STAG1: variants seen among roughly 807,000 people sequenced by gnomAD.
The protein encoded by STAG1 is STAG1 cohesin complex component, also known as cohesin subunit SA-1.
STAG1 carries 26 observed loss-of-function variants against 170.9 expected under a neutral mutation model. The observed-to-expected ratio is 0.15, with a 90% CI of 0.11 to 0.21. The LOEUF (loss-of-function observed/expected upper bound fraction) is 0.21. Among genes scored for constraint, STAG1 ranks in the 10% least tolerant of loss-of-function variants. STAG1 has a pLI of 1.00. For missense variants in STAG1, 964 were observed against 1,509.5 expected, an observed-to-expected ratio of 0.64 and a Z score of 5.99; for synonymous variants, 514 against 497.7, an observed-to-expected ratio of 1.03 and a Z score of -0.44.
intron 1 of STAG1, among the ~76,000 whole-genome samples, chr3:136,714,980 TTA>T (rs1491252736): frequency 1.5e-4 from 17 of 109,744 alleles, no homozygotes; most frequent in Non-Finnish European, 2.3e-4. Context: ...ATATATATTT[TTA>T]TATATATATT....
intron 1 of STAG1, among the ~76,000 whole-genome samples, chr3:136,661,456 A>G (rs1334818133): frequency 6.6e-6 from 1 of 152,206 alleles, no homozygotes; most frequent in Non-Finnish European, 1.5e-5. Context: ...ACAAAGGTGC[A>G]CAACAGTTTA....
At chr3:136,455,694 C>A (rs888300086) in intron 13 of STAG1, among the ~76,000 whole-genome samples, 1 of 152,206 alleles carries the variant, frequency 6.6e-6, no homozygotes, top group African/African-American at 2.4e-5. Flanking sequence ...AAAAGCACTG[C>A]AAGGGGCACA....
chr3:136,376,799 T>TA (rs1341159761), intron 23 of STAG1, among the ~76,000 whole-genome samples: 15 of 151,924 alleles, frequency 9.9e-5, no homozygotes, highest in Non-Finnish European at 1.3e-4. Context: ...TTCTTTTTTT[T>TA]AATCTTTTTT....
At chr3:136,381,242 G>A (rs1301646619) in intron 22 of STAG1, among the ~76,000 whole-genome samples, 2 of 152,108 alleles carry the variant, frequency 1.3e-5, no homozygotes, top group Non-Finnish European at 2.9e-5. Flanking sequence ...AGAAGTGGAT[G>A]AGACTGCTCA....
At chr3:136,535,876 A>G (rs1297065355) in intron 6 of STAG1, among the ~76,000 whole-genome samples, 1 of 152,210 alleles carries the variant, frequency 6.6e-6, no homozygotes, top group South Asian at 2.1e-4. Flanking sequence ...TACCTCTAAT[A>G]AATAAAAAAC....
At chr3:136,737,435 G>A (rs938787697) in intron 1 of STAG1, among the ~76,000 whole-genome samples, 6 of 151,500 alleles carry the variant, frequency 4.0e-5, no homozygotes, top group East Asian at 2.0e-4. Flanking sequence ...CAGGGGTTTC[G>A]CCATGTTAGC....
rs901078898 is a variant in STAG1 at position 136,622,152 on chromosome 3, A to G, written c.132+994T>C. Among the ~76,000 whole-genome samples the G allele has an allele frequency of 7.3e-5, 11 of 150,532 alleles. No individual in the cohort carries two copies. In the East Asian group the frequency reaches 7.8e-4, roughly 11 times the overall value. ...ATCTCTACTAAAAAAAAAAAAAAAA[A>G]AAAAAAGAAAAGAAAAAATTAGCTG... On this transcript the variant is annotated intron_variant, in intron 3 of 33. Transcript: ENST00000383202.
chr3:136,696,671 T>C (rs909182327), intron 1 of STAG1, among the ~76,000 whole-genome samples: 1 of 151,972 alleles, frequency 6.6e-6, no homozygotes, highest in Admixed American at 6.6e-5. Context: ...TCAATTTTGC[T>C]GTAAATCTTA....
intron 5 of STAG1, among the ~76,000 whole-genome samples, chr3:136,565,044 G>GGCA (rs1937012382): frequency 1.4e-4 from 1 of 6,954 alleles, no homozygotes; most frequent in Non-Finnish European, 2.6e-4. Context: ...GCAGGCAGAA[G>GGCA]GGAGGGAGGG....
At chr3:136,707,725 G>A (rs1943266805) in intron 1 of STAG1, among the ~76,000 whole-genome samples, 2 of 152,110 alleles carry the variant, frequency 1.3e-5, no homozygotes, top group South Asian at 2.1e-4. Context: ...GAGGGATGTC[G>A]CGGCTTTACA....
At chr3:136,468,061 T>C (rs2089518891) in intron 12 of STAG1, among the ~76,000 whole-genome samples, 1 of 152,062 alleles carries the variant, frequency 6.6e-6, no homozygotes. Flanking sequence ...GCAGGAAAGA[T>C]CTAAAATTGA....
chr3:136,439,389 G>GACACGCACACAC (rs2088563296), intron 15 of STAG1, among the ~76,000 whole-genome samples: 1 of 95,834 alleles, frequency 1.0e-5, no homozygotes, highest in Admixed American at 1.1e-4. Context: ...AACACCCCCC[G>GACACGCACACAC]ACACACACAC....
intron 12 of STAG1, among the ~76,000 whole-genome samples, chr3:136,468,861 T>C (rs555122656): frequency 3.9e-4 from 59 of 152,250 alleles, no homozygotes; most frequent in Non-Finnish European, 7.5e-4. Flanking sequence ...TAATCCAGCA[T>C]ATGAACAGAA....
chr3:136,344,406 C>T (rs1423067493), intron 29 of STAG1, among the ~76,000 whole-genome samples: 1 of 152,042 alleles, frequency 6.6e-6, no homozygotes, highest in Non-Finnish European at 1.5e-5. Flanking sequence ...TCCTGGGCCT[C>T]GTAGGGGTCC....
chr3:136,700,172 T>A (rs1053446890), intron 1 of STAG1, among the ~76,000 whole-genome samples: 3 of 148,006 alleles, frequency 2.0e-5, no homozygotes, highest in South Asian at 4.5e-4. Flanking sequence ...CCTCCCAAAT[T>A]GTTTCTTTTT....
At chr3:136,591,978 C>T (rs1938207757) in intron 4 of STAG1, among the ~76,000 whole-genome samples, 1 of 152,130 alleles carries the variant, frequency 6.6e-6, no homozygotes, top group Non-Finnish European at 1.5e-5. Context: ...AGAAACAGCA[C>T]TTCAAGAAAG....
At chr3:136,577,566 C>T (rs922708698) in intron 4 of STAG1, among the ~76,000 whole-genome samples, 2 of 152,114 alleles carry the variant, frequency 1.3e-5, no homozygotes, top group Non-Finnish European at 2.9e-5. Context: ...TACTAGCCTT[C>T]TTAAGCTTGA....
chr3:136,439,379 A>G (rs13316214), intron 15 of STAG1, among the ~76,000 whole-genome samples: 28,809 of 137,852 alleles, frequency 0.21, 3,136 homozygotes, highest in Middle Eastern at 0.26. Flanking sequence ...TTTGCTGTAA[A>G]ACACCCCCCG....
intron 22 of STAG1, among the ~76,000 whole-genome samples, chr3:136,392,527 G>A (rs192217522): frequency 3.1e-4 from 47 of 152,196 alleles, no homozygotes; most frequent in African/African-American, 1.1e-3. Context: ...AGCACTTCGG[G>A]AGGCTGAGGC....
Sources: gnomAD v4.1 joint callset for allele counts (sites outside exome capture counted in the v4.1 genomes callset) on GRCh38, gnomAD v4.1.1 for gene constraint, MANE v1.5 for transcripts, NCBI Gene and HGNC (gene_info 2026-07-23, HGNC 2026-07-21) for gene names.